SPTLC3: variants seen among roughly 807,000 people sequenced by gnomAD.
SPTLC3 encodes the protein serine palmitoyltransferase 3.
In SPTLC3, 36 loss-of-function variants were observed where a neutral mutation model predicts 59.3. The ratio of observed to expected loss-of-function variants is 0.61; its 90% CI spans 0.47 to 0.80. The LOEUF (loss-of-function observed/expected upper bound fraction) is 0.80, where lower values mean the gene tolerates loss of function less well. Among genes scored for constraint, SPTLC3 ranks in the 30% least tolerant of loss-of-function variants. The pLI is 0.00. For synonymous variants in SPTLC3, 257 were observed against 240.8 expected (o/e 1.07, Z -0.62); for missense variants, 625 against 685.1 (o/e 0.91, Z 0.98).
chr20:13,062,527 T>C (rs578085634), intron 2 of SPTLC3, among the ~76,000 whole-genome samples: 12 of 152,364 alleles, frequency 7.9e-5, no homozygotes, highest in African/African-American at 2.9e-4. Flanking sequence ...AGTATGTGAA[T>C]GAGCGGGTTA....
At chr20:13,038,985 C>T (rs1034846198) in intron 1 of SPTLC3, among the ~76,000 whole-genome samples, 20 of 151,936 alleles carry the variant, frequency 1.3e-4, no homozygotes, top group South Asian at 2.1e-4. Context: ...ATTCCATTGC[C>T]GTTGGAAAGA....
intron 11 of SPTLC3, among the ~76,000 whole-genome samples, chr20:13,161,289 G>C (rs181878590): frequency 6.6e-6 from 1 of 152,150 alleles, no homozygotes; most frequent in South Asian, 2.1e-4. Flanking sequence ...CAATGGGAGT[G>C]GGGGAATAGA....
chr20:13,126,461 C>A, intron 8 of SPTLC3, 130 bp from the exon 9 acceptor site: 1 of 1,050,166 alleles, frequency 9.5e-7, no homozygotes, highest in Non-Finnish European at 1.3e-6. Flanking sequence ...GAAAGTTGGA[C>A]CCCATTCATC....
chr20:13,038,405 G>GT (rs1382460767), intron 1 of SPTLC3, among the ~76,000 whole-genome samples: 1 of 152,018 alleles, frequency 6.6e-6, no homozygotes, highest in African/African-American at 2.4e-5. Flanking sequence ...TATTGAGTTG[G>GT]TTTTTTGTAT....
At chr20:13,053,661 C>T (rs1315018336) in intron 2 of SPTLC3, among the ~76,000 whole-genome samples, 1 of 151,992 alleles carries the variant, frequency 6.6e-6, no homozygotes, top group African/African-American at 2.4e-5. Context: ...AGACGAATTG[C>T]TAACTAGAAT....
chr20:13,108,737 C>CTTAA (rs1246991159), intron 6 of SPTLC3, among the ~76,000 whole-genome samples: 1 of 152,066 alleles, frequency 6.6e-6, no homozygotes, highest in Non-Finnish European at 1.5e-5. Context: ...ACCATACCCA[C>CTTAA]TTAATTTTTT....
intron 3 of SPTLC3, among the ~76,000 whole-genome samples, chr20:13,072,628 G>T (rs574798188): frequency 2.0e-4 from 31 of 152,106 alleles, no homozygotes; most frequent in South Asian, 1.0e-3. Context: ...ATTAACCTAA[G>T]ACCTGGGTCA....
chr20:13,143,594 G>A (rs1005276060), intron 9 of SPTLC3, among the ~76,000 whole-genome samples: 2 of 152,096 alleles, frequency 1.3e-5, no homozygotes, highest in Non-Finnish European at 1.5e-5. Flanking sequence ...CATTGTCCTG[G>A]GCACAAGGCA....
intron 2 of SPTLC3, 25 bp downstream of exon 2, chr20:13,049,155 C>A: frequency 6.2e-6 from 10 of 1,608,306 alleles, no homozygotes; most frequent in Non-Finnish European, 8.5e-6. Context: ...CTCCCTGGAT[C>A]TTTGTCAATG....
In SPTLC3 at chr20:13,042,702, G is replaced by T. The variant is rs566053538; in HGVS notation, c.118-6243G>T. On this transcript the variant is annotated intron_variant, in intron 1 of 11. Transcript: ENST00000399002. ...ACAGGAAGCCTCATCTTGGCCACCTGCTCAAAGTAGAATGTTTCTACTTGC... is the reference window on the plus strand; with the variant it reads ...ACAGGAAGCCTCATCTTGGCCACCTTCTCAAAGTAGAATGTTTCTACTTGC... 4.1e-4 allele frequency among the ~76,000 whole-genome samples: 63 copies of T among 152,300 alleles called. 1 individual carries two copies. Among genetic ancestry groups the T allele is most frequent in the Admixed American group, 2.6e-3 (40 of 15,294 alleles).
chr20:13,113,016 C>T (rs1990326215), intron 7 of SPTLC3, among the ~76,000 whole-genome samples: 2 of 152,098 alleles, frequency 1.3e-5, no homozygotes, highest in South Asian at 4.2e-4. Flanking sequence ...AACCCCACCT[C>T]TACTAAAAAG....
At chr20:13,088,551 C>G (rs1380334482) in intron 4 of SPTLC3, among the ~76,000 whole-genome samples, 1 of 151,996 alleles carries the variant, frequency 6.6e-6, no homozygotes, top group Non-Finnish European at 1.5e-5. Context: ...TCTCGATCTC[C>G]TGACCTCGTG....
chr20:13,074,039 T>G (rs765897291), intron 3 of SPTLC3: 26 of 639,680 alleles, frequency 4.1e-5, no homozygotes, highest in Admixed American at 1.5e-4. Context: ...TCTGGAGCTG[T>G]GGCAGGTCCA....
intron 9 of SPTLC3, among the ~76,000 whole-genome samples, chr20:13,146,966 G>T (rs748464197): frequency 2.0e-5 from 3 of 152,216 alleles, no homozygotes; most frequent in Admixed American, 2.0e-4. Context: ...CAAAAAGCCA[G>T]TTCCTGGCTC....
In SPTLC3 at chr20:13,012,321, C is replaced by T. The variant is rs112411124; in HGVS notation, c.117+2937C>T. The stretch of plus-strand genomic sequence containing the variant: ...ATTCAAGGTTTATTGAGTTCTTGAC[C>T]TGAATGTTGTAATATTACCAGGTAT... On this transcript the variant is annotated intron_variant, in intron 1 of 11. Transcript: ENST00000399002. 1.6e-3 allele frequency among the ~76,000 whole-genome samples: 241 copies of T among 152,230 alleles called. 1 individual carries two copies. Among genetic ancestry groups the T allele is most frequent in the African/African-American group, 5.5e-3 (228 of 41,520 alleles).
At chr20:13,123,488 C>A (rs944757259) in intron 8 of SPTLC3, among the ~76,000 whole-genome samples, 1 of 152,130 alleles carries the variant, frequency 6.6e-6, no homozygotes. Flanking sequence ...CCAACTAAGG[C>A]ACAGAGAGAT....
At chr20:13,155,279 A>C (rs2038742611) in intron 10 of SPTLC3, among the ~76,000 whole-genome samples, 1 of 152,168 alleles carries the variant, frequency 6.6e-6, no homozygotes, top group African/African-American at 2.4e-5. Flanking sequence ...CATATTCAAC[A>C]TACTACGCAT....
rs138334351 is a variant in SPTLC3 at position 13,020,968 on chromosome 20, C to T, written c.117+11584C>T. 4.3e-3 allele frequency among the ~76,000 whole-genome samples: 656 copies of T among 152,302 alleles called. 7 individuals are homozygous for T. The highest frequency in any genetic ancestry group is 0.015 in the African/African-American group (630 of 41,574). On this transcript the variant is annotated intron_variant, in intron 1 of 11. Transcript: ENST00000399002. The stretch of plus-strand genomic sequence containing the variant: ...AACATTAGCCTGCAGTCACCTCTTT[C>T]TTCTCTACTGCTATCATAAGACTAA...
At chr20:13,020,117 G>T (rs757251697) in intron 1 of SPTLC3, among the ~76,000 whole-genome samples, 1 of 151,922 alleles carries the variant, frequency 6.6e-6, no homozygotes, top group Non-Finnish European at 1.5e-5. Context: ...GAGAAGACAG[G>T]GTAAAGGATT....
Sources: allele counts gnomAD v4.1 joint callset (sites outside exome capture counted in the v4.1 genomes callset), GRCh38; gene constraint gnomAD v4.1.1; transcripts MANE v1.5; gene names NCBI Gene and HGNC (gene_info 2026-07-23, HGNC 2026-07-21).